Variants in ZNF610 observed in about 807,000 individuals in gnomAD.
The protein encoded by ZNF610 is zink finger protein.
ZNF610 carries 14 observed loss-of-function variants against 14.1 expected under a neutral mutation model. That is an observed-to-expected ratio of 0.99 (90% CI 0.65 to 1.55). The LOEUF (loss-of-function observed/expected upper bound fraction) is 1.55. Among genes scored for constraint, ZNF610 ranks in the 40% most tolerant of loss-of-function variants. The pLI is 0.00. For synonymous variants in ZNF610, 185 were observed against 187.6 expected (o/e 0.99, Z 0.11); for missense variants, 530 against 558.0 (o/e 0.95, Z 0.51).
intron 1 of ZNF610, among the ~76,000 whole-genome samples, chr19:52,343,208 TGTA>T (rs1984771291): frequency 6.6e-6 from 1 of 152,334 alleles, no homozygotes; most frequent in African/African-American, 2.4e-5. Context: ...GTATTTAAAA[TGTA>T]GGAGATATTT....
chr19:52,333,208 G>A (rs766301218), upstream of ZNF610, among the ~76,000 whole-genome samples: 3 of 152,146 alleles, frequency 2.0e-5, no homozygotes, highest in Non-Finnish European at 2.9e-5. Flanking sequence ...AATCGGCAAG[G>A]CAATCAGGTG....
chr19:52,343,778 G>A (rs146543762), intron 1 of ZNF610, among the ~76,000 whole-genome samples: 12 of 152,186 alleles, frequency 7.9e-5, no homozygotes, highest in Admixed American at 4.6e-4. Flanking sequence ...GAAGGCTAAC[G>A]GTGTGATCAT....
chr19:52,355,482 G>T (rs1404911447), intron 5 of ZNF610, among the ~76,000 whole-genome samples: 1 of 152,232 alleles, frequency 6.6e-6, no homozygotes, highest in Admixed American at 6.5e-5. Flanking sequence ...TCACCAAAAT[G>T]TGTGGGGATT....
At chr19:52,342,931 TC>T (rs1984755913) in intron 1 of ZNF610, among the ~76,000 whole-genome samples, 1 of 152,102 alleles carries the variant, frequency 6.6e-6, no homozygotes, top group South Asian at 2.1e-4. Context: ...GCCCACACCC[TC>T]TACCTTTCCT....
At position 52,338,081 on chromosome 19, in the gene ZNF610, A is replaced by C. The variant is rs566726885; in HGVS notation, c.-258+1575A>C. Among the ~76,000 whole-genome samples the C allele has an allele frequency of 3.0e-4, 46 of 152,346 alleles. No homozygotes were observed. In the South Asian group the frequency reaches 9.3e-3, roughly 31 times the overall value. ...ACCTGGGTGTTGTGTAATTTAACTC[A>C]ATTTCACACTAACACTATCTATGTG... On this transcript the variant is annotated intron_variant, in intron 1 of 5. Transcript: ENST00000403906.
chr19:52,339,081 C>T (rs776936522), intron 1 of ZNF610, among the ~76,000 whole-genome samples: 1 of 151,902 alleles, frequency 6.6e-6, no homozygotes, highest in Non-Finnish European at 1.5e-5. Context: ...ACGTGCTGTG[C>T]CTTGATGTGC....
chr19:52,331,764 TCTCG>T (rs1422800845), upstream of ZNF610, among the ~76,000 whole-genome samples: 4 of 152,196 alleles, frequency 2.6e-5, no homozygotes, highest in Non-Finnish European at 5.9e-5. Flanking sequence ...ACCCTGCCTT[TCTCG>T]CTCTCTCTTT....
intron 1 of ZNF610, among the ~76,000 whole-genome samples, chr19:52,337,604 G>A (rs1043469113): frequency 2.0e-5 from 3 of 151,988 alleles, no homozygotes; most frequent in Admixed American, 6.6e-5. Flanking sequence ...GGAGAAAGAA[G>A]GTAAGAATGA....
chr19:52,348,159 T>C (rs1600232815), intron 2 of ZNF610: 1 of 152,322 alleles, frequency 6.6e-6, no homozygotes, highest in East Asian at 1.9e-4. Flanking sequence ...TTGGTTTATG[T>C]AAGTGCAGTC....
At chr19:52,359,574 TG>T (rs1384393388) in intron 5 of ZNF610, among the ~76,000 whole-genome samples, 3 of 152,212 alleles carry the variant, frequency 2.0e-5, no homozygotes, top group Non-Finnish European at 4.4e-5. Context: ...TTTTGATATC[TG>T]AGAGTGTTTT....
upstream of ZNF610, among the ~76,000 whole-genome samples, chr19:52,335,513 T>G (rs1984334441): frequency 6.6e-6 from 1 of 152,164 alleles, no homozygotes; most frequent in African/African-American, 2.4e-5. Flanking sequence ...TCTCTAGAGA[T>G]GAGCACTCTA....
chr19:52,336,510 A>C lies in ZNF610; in HGVS notation c.-258+4A>C. 6.4e-6 allele frequency: 1 copy of C among 157,372 alleles called. No homozygotes were observed. Among genetic ancestry groups the C allele is most frequent in the Non-Finnish European group, 1.4e-5 (1 of 71,432 alleles). 9.7% of individuals were successfully genotyped at this position (157,372 alleles called of 1,614,324 possible). ...CGCTCGTTCTGCCTTGGGCCAGGTA[A>C]ACACGGATTTTCGAGACTCCTTTCC... On this transcript the variant is annotated splice_donor_region_variant and intron_variant, in intron 1 of 5. Transcript: ENST00000403906.
upstream of ZNF610, among the ~76,000 whole-genome samples, chr19:52,332,106 C>T (rs1030690525): frequency 6.6e-6 from 1 of 152,190 alleles, no homozygotes; most frequent in Non-Finnish European, 1.5e-5. The surrounding 1 kb of genome is among the most constrained non-coding windows in gnomAD (Gnocchi z 4.1). Context: ...AAGGTCAGTG[C>T]CCTAAAGAGG....
At chr19:52,352,472 A>G (rs1387865315) in intron 3 of ZNF610, among the ~76,000 whole-genome samples, 1 of 152,162 alleles carries the variant, frequency 6.6e-6, no homozygotes, top group East Asian at 1.9e-4. Flanking sequence ...TCCCCACCTC[A>G]GGTGATCCGC....
chr19:52,363,469 T>C (rs1423444998), intron 5 of ZNF610, among the ~76,000 whole-genome samples: 1 of 152,158 alleles, frequency 6.6e-6, no homozygotes, highest in Non-Finnish European at 1.5e-5. Context: ...AGTATTGAAG[T>C]CTACTACTAT....
chr19:52,341,990 A>G (rs1364315648), intron 1 of ZNF610, among the ~76,000 whole-genome samples: 2 of 151,952 alleles, frequency 1.3e-5, no homozygotes, highest in African/African-American at 4.8e-5. Context: ...TTGGTTTTTT[A>G]TAGAGTTGGG....
chr19:52,344,147 G>GT (rs1309701060), intron 1 of ZNF610: 1 of 152,166 alleles, frequency 6.6e-6, no homozygotes, highest in Non-Finnish European at 1.5e-5. Flanking sequence ...AGCAAACTAT[G>GT]TAAGTGGAAT....
rs145705622 is a variant in ZNF610 at position 52,349,164 on chromosome 19, T to C, written c.-9T>C. 357 of 1,613,132 alleles carry C rather than the reference T, an allele frequency of 2.2e-4. No individual in the cohort carries two copies. Among genetic ancestry groups the C allele is most frequent in the Middle Eastern group, 6.6e-4 (4 of 6,058 alleles). On this transcript the variant is annotated 5_prime_UTR_variant, in exon 3 of 6. Coordinates refer to ENST00000403906, the MANE Select transcript of ZNF610 (RefSeq NM_001161425.2). ...ATTTTTGACATTTAGGATTGACTTA[T>C]AAACAGTCATGCTATGTGATGAAGA...
chr19:52,358,657 T>C (rs965772395), intron 5 of ZNF610, among the ~76,000 whole-genome samples: 1 of 152,252 alleles, frequency 6.6e-6, no homozygotes, highest in Non-Finnish European at 1.5e-5. Context: ...GTAGGTCTTG[T>C]GGTAGTACAT....
Sources: allele counts gnomAD v4.1 joint callset (sites outside exome capture counted in the v4.1 genomes callset), GRCh38; gene constraint gnomAD v4.1.1; non-coding constraint Gnocchi (gnomAD v3.1); transcripts MANE v1.5; gene names NCBI Gene and HGNC (gene_info 2026-07-23, HGNC 2026-07-21).